CLSTN1: variants seen among roughly 807,000 people sequenced by gnomAD.
CLSTN1 encodes the protein calsyntenin 1.
A neutral mutation model predicts 108.3 loss-of-function variants in CLSTN1; 28 were observed. The ratio of observed to expected loss-of-function variants is 0.26; its 90% CI spans 0.19 to 0.35. CLSTN1 has a LOEUF of 0.35. Ranked by LOEUF, CLSTN1 falls within the 10% of genes least tolerant of loss-of-function variation. The pLI, the probability that CLSTN1 is intolerant of heterozygous loss-of-function variation, is 1.00. For synonymous variants in CLSTN1, 524 were observed against 534.9 expected (o/e 0.98, Z 0.28); for missense variants, 1,157 against 1,302.6 (o/e 0.89, Z 1.72).
chr1:9,733,713 G>A (rs938885970), intron 15 of CLSTN1, among the ~76,000 whole-genome samples, 167 bp from the exon 16 acceptor site: 1 of 152,136 alleles, frequency 6.6e-6, no homozygotes, highest in Non-Finnish European at 1.5e-5. Context: ...TGTGCACAGG[G>A]GCATTCTTCC....
intron 1 of CLSTN1, among the ~76,000 whole-genome samples, chr1:9,798,364 G>A (rs919552291): frequency 2.6e-5 from 4 of 152,044 alleles, no homozygotes; most frequent in Non-Finnish European, 4.4e-5. Context: ...ACGGACAGAC[G>A]AAATGCAGTC....
rs1650510897 is a variant in CLSTN1 at position 9,733,417 on chromosome 1, T to C, written c.2411A>G (p.Asn804Ser). 6.2e-7 allele frequency: 1 copy of C among 1,614,240 alleles called. No homozygotes were observed. The highest frequency in any genetic ancestry group is 8.5e-7 in the Non-Finnish European group (1 of 1,180,038). Residue 804 changes from asparagine to serine, a missense_variant, in exon 16 of 19, where the codon AAC becomes AGC. Asn to Ser is a conservative substitution (Grantham distance 46, BLOSUM62 1). Transcript: ENST00000377298. ...CSELNGRYIS[N>S]EFKVEVNVIH... ...TGTACTCACCTCCACCTTAAATTCG[T>C]TGCTGATGTAGCGGCCATTCAGCTC...
chr1:9,750,134 A>G (rs1006343348), intron 5 of CLSTN1: 1 of 486,468 alleles, frequency 2.1e-6, no homozygotes, highest in Admixed American at 3.7e-5. Flanking sequence ...GGAGCTACAC[A>G]GCTCAGTCTC....
chr1:9,802,572 T>A (rs1211048663), intron 1 of CLSTN1, among the ~76,000 whole-genome samples: 2 of 152,160 alleles, frequency 1.3e-5, no homozygotes, highest in African/African-American at 4.8e-5. Flanking sequence ...ATGAGAGAGG[T>A]ACAGACTCAC....
intron 2 of CLSTN1, 75 bp from the exon 3 acceptor site, chr1:9,756,585 C>G: frequency 1.6e-6 from 2 of 1,243,864 alleles, no homozygotes; most frequent in Non-Finnish European, 2.3e-6. Context: ...GGAAAAAAGT[C>G]AAAGGTGCAC....
At chr1:9,787,331 G>C (rs1296446340) in intron 1 of CLSTN1, among the ~76,000 whole-genome samples, 1 of 150,988 alleles carries the variant, frequency 6.6e-6, no homozygotes, top group Non-Finnish European at 1.5e-5. Flanking sequence ...ATATGAATTT[G>C]AAACAGAACC....
Position 9,735,924 on chromosome 1 carries a change from C to G in CLSTN1, c.1695G>C (p.Leu565=). The G allele has an allele frequency of 1.9e-6, 3 of 1,614,196 alleles. No individual in the cohort carries two copies. The highest frequency in any genetic ancestry group is 2.5e-6 in the Non-Finnish European group (3 of 1,180,044). Residue 565 remains leucine (L), a synonymous_variant, in exon 12 of 19, where the codon CTG becomes CTC. Transcript: ENST00000377298. ...CACTGTCTTCGAGGACCTGCAGGTC[C>G]AGCCCCTCCTTGCAGGTATACAGAC... ...IDCLYTCKEG[L]DLQVLEDSGR...
chr1:9,749,604 A>G lies in CLSTN1; in HGVS notation c.842T>C (p.Leu281Ser). ...CAGGTGGATATTTGGAAAGACGGCC[A>G]ACGCGCCGGTGCCCGGCTCATACTC... Reference protein sequence around the residue: ...RIEYEPGTGALAVFPNIHLET... With the variant: ...RIEYEPGTGASAVFPNIHLET... The change falls in exon 7 of 19, where the codon TTG becomes TCG. Residue 281 changes from leucine to serine, a missense_variant. Physicochemically the swap from Leu to Ser is moderately radical, Grantham distance 145. Transcript: ENST00000377298. 1 of 1,614,230 alleles carries G rather than the reference A, an allele frequency of 6.2e-7. No homozygotes were observed. Among genetic ancestry groups the G allele is most frequent in the South Asian group, 1.1e-5 (1 of 91,082 alleles).
At chr1:9,744,353 G>C (rs1360481764) in intron 8 of CLSTN1, 42 bp downstream of exon 8, 4 of 1,572,182 alleles carry the variant, frequency 2.5e-6, no homozygotes, top group Non-Finnish European at 3.4e-6. Flanking sequence ...CCACCCTACT[G>C]GACACTGGGG....
At chr1:9,768,420 G>A (rs1652468893) in intron 2 of CLSTN1, among the ~76,000 whole-genome samples, 2 of 121,854 alleles carry the variant, frequency 1.6e-5, no homozygotes, top group South Asian at 3.0e-4. Context: ...ACCGGGGGGC[G>A]GGGTTCTGTG....
chr1:9,768,536 A>AAAGCAACAGAAG, intron 2 of CLSTN1, among the ~76,000 whole-genome samples: 1 of 84,076 alleles, frequency 1.2e-5, no homozygotes, highest in African/African-American at 4.6e-5. Context: ...GGGTGGCACC[A>AAAGCAACAGAAG]TGGGGGCGGG....
intron 1 of CLSTN1, among the ~76,000 whole-genome samples, chr1:9,775,855 C>T (rs994106632): frequency 6.6e-6 from 1 of 152,158 alleles, no homozygotes; most frequent in African/African-American, 2.4e-5. Context: ...CTCTGCTGTA[C>T]CTGCACTTTC....
At chr1:9,772,141 T>A (rs1291638050) in intron 2 of CLSTN1, among the ~76,000 whole-genome samples, 1 of 868 alleles carries the variant, frequency 1.2e-3, no homozygotes. Context: ...CACACCCGGC[T>A]TTTTTTTTTT....
At position 9,779,855 on chromosome 1, in the gene CLSTN1, C is replaced by CT. The variant is rs770514487; in HGVS notation, c.92-6462dup. 6.4e-3 allele frequency among the ~76,000 whole-genome samples: 944 copies of CT among 146,598 alleles called. 4 individuals are homozygous for CT. Among genetic ancestry groups the CT allele is most frequent in the Non-Finnish European group, 9.1e-3 (605 of 66,148 alleles). On this transcript the variant is annotated intron_variant, in intron 1 of 18. Transcript: ENST00000377298. ...TTGTTTGTTACCAATCTTTCACTTT[C>CT]TTTTTTTTTTTGAGATGGAGTCTCA...
chr1:9,745,888 C>A (rs1275626025), intron 7 of CLSTN1, among the ~76,000 whole-genome samples: 2 of 151,132 alleles, frequency 1.3e-5, no homozygotes, highest in African/African-American at 2.4e-5. Flanking sequence ...CCCACCTCAG[C>A]CTCCCAAGTA....
At chr1:9,739,968 C>A (rs1214261390) in intron 10 of CLSTN1, among the ~76,000 whole-genome samples, 1 of 152,122 alleles carries the variant, frequency 6.6e-6, no homozygotes, top group African/African-American at 2.4e-5. Flanking sequence ...AGGCACCCGC[C>A]ACCATGCCTG....
At chr1:9,755,356 T>C in intron 3 of CLSTN1, 47 bp from the exon 4 acceptor site, 17 of 1,480,380 alleles carry the variant, frequency 1.1e-5, no homozygotes, top group Non-Finnish European at 1.6e-5. Context: ...CACATAGATC[T>C]TCTGCACCTT....
chr1:9,772,309 T>A (rs1457417486), intron 2 of CLSTN1, among the ~76,000 whole-genome samples: 4 of 151,366 alleles, frequency 2.6e-5, no homozygotes, highest in African/African-American at 9.7e-5. Context: ...GAGAAGTTTT[T>A]GTTTGTTTTG....
At chr1:9,744,263 G>T in intron 8 of CLSTN1, 132 bp downstream of exon 8, 4 of 1,343,488 alleles carry the variant, frequency 3.0e-6, no homozygotes, top group Non-Finnish European at 4.0e-6. Context: ...AGTGCCCCAG[G>T]CACACAGCAT....
Sources: gnomAD v4.1 joint callset for allele counts (sites outside exome capture counted in the v4.1 genomes callset) on GRCh38, gnomAD v4.1.1 for gene constraint, MANE v1.5 for transcripts, NCBI Gene and HGNC (gene_info 2026-07-23, HGNC 2026-07-21) for gene names.